Variants in GRID2 observed in about 807,000 individuals in gnomAD.
GRID2 encodes the protein glutamate receptor ionotropic, delta-2.
In GRID2, 33 loss-of-function variants were observed where a neutral mutation model predicts 114.8. The observed-to-expected ratio is 0.29, with a 90% CI of 0.22 to 0.38. The LOEUF (loss-of-function observed/expected upper bound fraction) is 0.38. Among genes scored for constraint, GRID2 ranks in the 10% least tolerant of loss-of-function variants. The pLI is 1.00. For missense variants in GRID2, 1,184 were observed against 1,257.7 expected, an observed-to-expected ratio of 0.94 and a Z score of 0.89; for synonymous variants, 505 against 449.9, an observed-to-expected ratio of 1.12 and a Z score of -1.55.
At chr4:93,466,079 T>C (rs1197235634) in intron 11 of GRID2, among the ~76,000 whole-genome samples, 1 of 152,238 alleles carries the variant, frequency 6.6e-6, no homozygotes, top group South Asian at 2.1e-4. Context: ...AACAGTACAC[T>C]TAGGGTTTTG....
intron 2 of GRID2, among the ~76,000 whole-genome samples, chr4:92,706,563 T>C (rs1734967996): frequency 6.6e-6 from 1 of 152,132 alleles, no homozygotes; most frequent in Admixed American, 6.5e-5. Context: ...AGGGGTGTTT[T>C]GGTTATATGT....
chr4:92,439,198 C>A (rs974432564), intron 1 of GRID2, among the ~76,000 whole-genome samples: 1 of 151,906 alleles, frequency 6.6e-6, no homozygotes, highest in African/African-American at 2.4e-5. Context: ...CCAGGATGAG[C>A]CAGGAAAAGG....
At chr4:93,212,262 T>C (rs540636853) in intron 5 of GRID2, among the ~76,000 whole-genome samples, 92 of 152,314 alleles carry the variant, frequency 6.0e-4, no homozygotes, top group Middle Eastern at 3.4e-3. Flanking sequence ...ATTGCATCAA[T>C]AGTTTTTAAA....
intron 13 of GRID2, among the ~76,000 whole-genome samples, chr4:93,605,119 G>A (rs567386617): frequency 6.6e-6 from 1 of 152,106 alleles, no homozygotes; most frequent in East Asian, 1.9e-4. Context: ...GTAGTTCTGG[G>A]GGGCAAAAAT....
At chr4:92,726,545 AAGT>A (rs1269977692) in intron 2 of GRID2, among the ~76,000 whole-genome samples, 2 of 152,106 alleles carry the variant, frequency 1.3e-5, no homozygotes, top group Admixed American at 1.3e-4. Flanking sequence ...AATATACAGA[AAGT>A]AGTGATGAAA....
chr4:92,577,759 A>G (rs1727965957), intron 1 of GRID2, among the ~76,000 whole-genome samples: 1 of 152,168 alleles, frequency 6.6e-6, no homozygotes, highest in South Asian at 2.1e-4. Context: ...TATTAATGAA[A>G]TGGAATTACC....
chr4:93,095,880 C>T (rs904584622), intron 3 of GRID2, among the ~76,000 whole-genome samples: 1 of 151,966 alleles, frequency 6.6e-6, no homozygotes, highest in African/African-American at 2.4e-5. Context: ...GTTTTTAGAG[C>T]CTTTTGAAGA....
chr4:92,625,944 C>T lies in GRID2; in HGVS notation c.244+35658C>T, dbSNP rs569915749. Among the ~76,000 whole-genome samples the T allele has an allele frequency of 6.8e-4, 104 of 151,956 alleles. 1 individual carries two copies. The Middle Eastern group carries it at 0.024, about 35-fold the overall frequency. On this transcript the variant is annotated intron_variant, in intron 2 of 15. Transcript: ENST00000282020. ...TTATTCTGTGTACATTTTGCTTTTTCACTTACATTTTAAAATTCTGTTTTA... is the reference window on the plus strand; with the variant it reads ...TTATTCTGTGTACATTTTGCTTTTTTACTTACATTTTAAAATTCTGTTTTA...
intron 14 of GRID2, among the ~76,000 whole-genome samples, chr4:93,682,688 A>C (rs1340359871): frequency 6.6e-6 from 1 of 151,612 alleles, no homozygotes; most frequent in East Asian, 1.9e-4. Context: ...AAGACAAAAA[A>C]CCAAACACCA....
intron 2 of GRID2, among the ~76,000 whole-genome samples, chr4:92,987,657 A>G (rs1754592486): frequency 6.6e-6 from 1 of 152,152 alleles, no homozygotes; most frequent in Non-Finnish European, 1.5e-5. Flanking sequence ...TTGATGCTAG[A>G]AAAAGTAATT....
At chr4:92,740,709 TAGATAG>T (rs1736842471) in intron 2 of GRID2, among the ~76,000 whole-genome samples, 1 of 79,546 alleles carries the variant, frequency 1.3e-5, no homozygotes, top group Non-Finnish European at 2.9e-5. Context: ...GATAGATAGA[TAGATAG>T]ATAGATAGAT....
chr4:92,605,372 G>A (rs1729407522), intron 2 of GRID2, among the ~76,000 whole-genome samples: 1 of 151,820 alleles, frequency 6.6e-6, no homozygotes, highest in Admixed American at 6.6e-5. Flanking sequence ...CACTAGATTG[G>A]GATTTATACA....
intron 2 of GRID2, among the ~76,000 whole-genome samples, chr4:92,972,737 C>A (rs527454237): frequency 6.6e-6 from 1 of 151,810 alleles, no homozygotes; most frequent in Admixed American, 6.6e-5. Context: ...GGTTACTTTT[C>A]CTGATCCTCT....
intron 1 of GRID2, among the ~76,000 whole-genome samples, chr4:92,442,290 G>A (rs1303823364): frequency 1.3e-5 from 2 of 151,922 alleles, no homozygotes; most frequent in Non-Finnish European, 2.9e-5. Context: ...GAGTTCCAGG[G>A]GCTCTGAGAG....
intron 4 of GRID2, among the ~76,000 whole-genome samples, chr4:93,181,803 C>T (rs1423518537): frequency 6.6e-6 from 1 of 152,140 alleles, no homozygotes; most frequent in Non-Finnish European, 1.5e-5. Context: ...CTACACAGCA[C>T]ATAGACTAGT....
At chr4:92,497,678 C>T (rs759185757) in intron 1 of GRID2, among the ~76,000 whole-genome samples, 1 of 151,790 alleles carries the variant, frequency 6.6e-6, no homozygotes, top group Admixed American at 6.6e-5. Context: ...ACTTCTTCAC[C>T]TTTTTCTCTC....
At chr4:93,689,197 C>T (rs185398770) in intron 14 of GRID2, among the ~76,000 whole-genome samples, 39 of 152,134 alleles carry the variant, frequency 2.6e-4, no homozygotes, top group African/African-American at 7.7e-4. Context: ...GTCTTCTAGC[C>T]TCCAAAACTG....
chr4:93,188,597 A>G (rs1178453736), intron 4 of GRID2, among the ~76,000 whole-genome samples: 3 of 152,194 alleles, frequency 2.0e-5, no homozygotes, highest in African/African-American at 7.2e-5. Context: ...AAACAGTGGA[A>G]TGGTCACATC....
chr4:93,405,905 G>T (rs1311638717), intron 9 of GRID2, among the ~76,000 whole-genome samples: 2 of 152,072 alleles, frequency 1.3e-5, no homozygotes, highest in Non-Finnish European at 2.9e-5. Context: ...TTACATTTCA[G>T]AGTTACAAAG....
Sources: allele counts gnomAD v4.1 joint callset (sites outside exome capture counted in the v4.1 genomes callset), GRCh38; gene constraint gnomAD v4.1.1; transcripts MANE v1.5; gene names NCBI Gene and HGNC (gene_info 2026-07-23, HGNC 2026-07-21).